ADK: variants seen among roughly 807,000 people sequenced by gnomAD.
ADK encodes N6,N6-dimethyladenosine kinase.
A neutral mutation model predicts 44.7 loss-of-function variants in ADK; 24 were observed. The ratio of observed to expected loss-of-function variants is 0.54; its 90% confidence interval spans 0.39 to 0.76. The LOEUF (loss-of-function observed/expected upper bound fraction) is 0.76, where lower values mean the gene tolerates loss of function less well. Ranked by LOEUF, ADK falls within the 30% of genes least tolerant of loss-of-function variation. ADK has a pLI of 0.00. For synonymous variants in ADK, 128 were observed against 142.6 expected, an observed-to-expected ratio of 0.90 and a Z score of 0.73; for missense variants, 321 against 425.1, an observed-to-expected ratio of 0.76 and a Z score of 2.15.
chr10:74,614,874 A>G (rs1267545506), intron 9 of ADK, among the ~76,000 whole-genome samples: 1 of 152,098 alleles, frequency 6.6e-6, no homozygotes, highest in Non-Finnish European at 1.5e-5. Context: ...CTCTTAGCAA[A>G]CAGAACTTGG....
chr10:74,372,687 A>T (rs1842700401), intron 4 of ADK, among the ~76,000 whole-genome samples: 1 of 152,336 alleles, frequency 6.6e-6, no homozygotes, highest in East Asian at 1.9e-4. Context: ...ACTACATAAC[A>T]TTGAAAGACA....
At chr10:74,682,581 T>TTTC (rs1855651287) in intron 10 of ADK, among the ~76,000 whole-genome samples, 1 of 150,776 alleles carries the variant, frequency 6.6e-6, no homozygotes, top group Non-Finnish European at 1.5e-5. Flanking sequence ...TTTTCTTTTT[T>TTTC]TTTTTTTTTT....
intron 6 of ADK, among the ~76,000 whole-genome samples, chr10:74,411,721 A>C (rs1159019683): frequency 1.3e-5 from 2 of 152,210 alleles, no homozygotes; most frequent in East Asian, 1.9e-4. Flanking sequence ...GAAGTTTGCC[A>C]CATCAATTGA....
At chr10:74,478,934 G>A (rs1037764249) in intron 6 of ADK, among the ~76,000 whole-genome samples, 2 of 152,146 alleles carry the variant, frequency 1.3e-5, no homozygotes, top group African/African-American at 4.8e-5. Flanking sequence ...GTGTGTCAGT[G>A]TTGTGCTCTT....
intron 6 of ADK, among the ~76,000 whole-genome samples, chr10:74,498,789 A>G (rs1039961999): frequency 2.6e-5 from 4 of 152,190 alleles, no homozygotes; most frequent in Non-Finnish European, 4.4e-5. Flanking sequence ...TCACAATAGC[A>G]AAGACTTGGA....
At chr10:74,655,927 C>A in intron 9 of ADK, 1 of 689,492 alleles carries the variant, frequency 1.5e-6, no homozygotes, top group Non-Finnish European at 2.7e-6. Context: ...GGCAAGCTGC[C>A]CATCTGCAAG....
At chr10:74,432,966 C>T (rs1251329156) in intron 6 of ADK, among the ~76,000 whole-genome samples, 1 of 152,056 alleles carries the variant, frequency 6.6e-6, no homozygotes, top group African/African-American at 2.4e-5. Context: ...CTTTGCATTC[C>T]TGAGATTTCC....
intron 3 of ADK, among the ~76,000 whole-genome samples, chr10:74,240,372 TTGTGTGTGTG>T (rs142465407): frequency 6.8e-6 from 1 of 147,136 alleles, no homozygotes; most frequent in Non-Finnish European, 1.5e-5. Context: ...TCCTTTTATT[TTGTGTGTGTG>T]TGTGTGTGTG....
At chr10:74,581,191 T>C (rs1851362729) in intron 7 of ADK, among the ~76,000 whole-genome samples, 1 of 152,106 alleles carries the variant, frequency 6.6e-6, no homozygotes, top group Non-Finnish European at 1.5e-5. Flanking sequence ...TTTCTAAATA[T>C]ATTATGTATT....
chr10:74,243,692 G>A (rs1379558285), intron 3 of ADK, among the ~76,000 whole-genome samples: 1 of 152,026 alleles, frequency 6.6e-6, no homozygotes, highest in African/African-American at 2.4e-5. Flanking sequence ...GTGAAATCCC[G>A]TCTCTACTAA....
chr10:74,669,372 C>T (rs144707187), intron 9 of ADK, among the ~76,000 whole-genome samples: 17 of 152,290 alleles, frequency 1.1e-4, no homozygotes, highest in African/African-American at 3.4e-4. Context: ...ACTGTCCAAT[C>T]GTTTGCAGAT....
chr10:74,327,263 T>C (rs1396035917), intron 4 of ADK, among the ~76,000 whole-genome samples: 1 of 152,218 alleles, frequency 6.6e-6, no homozygotes, highest in Non-Finnish European at 1.5e-5. Flanking sequence ...TCTTTAATTT[T>C]TTCATTGACC....
At chr10:74,408,658 C>T (rs902419408) in intron 6 of ADK, among the ~76,000 whole-genome samples, 1 of 151,988 alleles carries the variant, frequency 6.6e-6, no homozygotes, top group Admixed American at 6.6e-5. Flanking sequence ...TTACTGATAA[C>T]GTAAATAGTT....
intron 7 of ADK, among the ~76,000 whole-genome samples, chr10:74,552,247 T>C (rs962157359): frequency 6.6e-5 from 10 of 152,266 alleles, no homozygotes; most frequent in African/African-American, 2.2e-4. Context: ...ACTGATTATA[T>C]TGATAGAAAA....
At chr10:74,593,534 A>G (rs1851794307) in intron 8 of ADK, among the ~76,000 whole-genome samples, 1 of 152,146 alleles carries the variant, frequency 6.6e-6, no homozygotes, top group African/African-American at 2.4e-5. Flanking sequence ...AGGACTATAA[A>G]AGTCTCTGAA....
At chr10:74,168,541 A>C (rs1842088982) in intron 1 of ADK, among the ~76,000 whole-genome samples, 1 of 149,402 alleles carries the variant, frequency 6.7e-6, no homozygotes, top group Non-Finnish European at 1.5e-5. Context: ...TGTCTCAAAA[A>C]AAAAAAAAAA....
At chr10:74,545,922 T>C (rs953219637) in intron 7 of ADK, among the ~76,000 whole-genome samples, 2 of 152,174 alleles carry the variant, frequency 1.3e-5, no homozygotes, top group African/African-American at 2.4e-5. Context: ...TCCAATTGGA[T>C]TGATAGTTTG....
chr10:74,600,261 T>A, intron 8 of ADK, 118 bp from the exon 9 acceptor site: 1 of 671,576 alleles, frequency 1.5e-6, no homozygotes, highest in Non-Finnish European at 2.7e-6. Flanking sequence ...TTTTAATGTC[T>A]CTTAATAGAT....
chr10:74,480,712 G>A (rs1847036460), intron 6 of ADK, among the ~76,000 whole-genome samples: 2 of 152,062 alleles, frequency 1.3e-5, no homozygotes, highest in South Asian at 4.1e-4. Context: ...GACCTTTCTT[G>A]TTTGGGGTCA....
Sources: gnomAD v4.1 joint callset for allele counts (sites outside exome capture counted in the v4.1 genomes callset) on GRCh38, gnomAD v4.1.1 for gene constraint, MANE v1.5 for transcripts, NCBI Gene and HGNC (gene_info 2026-07-23, HGNC 2026-07-21) for gene names.